The following MMP20 variants were observed in gnomAD, a reference collection of about 807,000 sequenced individuals.
The protein encoded by MMP20 is matrix metalloproteinase-20.
Under a neutral mutation model 51.8 loss-of-function variants are expected in MMP20, and 50 were observed. The observed-to-expected ratio is 0.97, with a 90% confidence interval of 0.77 to 1.22. MMP20 has a LOEUF of 1.22. Ranked by LOEUF, MMP20 falls within the 50% of genes most tolerant of loss-of-function variation. The pLI is 0.00. For synonymous variants in MMP20, 244 were observed against 216.2 expected, an observed-to-expected ratio of 1.13 and a Z score of -1.13; for missense variants, 663 against 601.4, an observed-to-expected ratio of 1.10 and a Z score of -1.07.
chr11:102,590,149 C>T (rs954867229), intron 8 of MMP20, among the ~76,000 whole-genome samples: 2 of 152,096 alleles, frequency 1.3e-5, no homozygotes, highest in African/African-American at 4.8e-5. Context: ...CTTGATGTAG[C>T]CACTGCTCTG....
At chr11:102,592,213 G>A (rs1283944944) in intron 8 of MMP20, among the ~76,000 whole-genome samples, 1 of 152,108 alleles carries the variant, frequency 6.6e-6, no homozygotes, top group Non-Finnish European at 1.5e-5. Flanking sequence ...GCAGATATTA[G>A]GGCCTTAATA....
intron 8 of MMP20, among the ~76,000 whole-genome samples, chr11:102,592,906 A>T (rs1024201399): frequency 2.0e-5 from 3 of 152,248 alleles, no homozygotes; most frequent in African/African-American, 7.2e-5. Context: ...GAAGCCCCTG[A>T]GGACAGGAAT....
chr11:102,590,865 C>A (rs1859309157), intron 8 of MMP20, among the ~76,000 whole-genome samples: 1 of 152,110 alleles, frequency 6.6e-6, no homozygotes. Context: ...CCCTGGCCAC[C>A]TCGAGTCATG....
chr11:102,620,828 C>G (rs1360563191), intron 1 of MMP20, among the ~76,000 whole-genome samples: 1 of 152,194 alleles, frequency 6.6e-6, no homozygotes, highest in Non-Finnish European at 1.5e-5. Flanking sequence ...TTCTCAGTGT[C>G]AGGTTCCAGC....
chr11:102,578,979 G>C, intron 9 of MMP20, 60 bp downstream of exon 9: 1 of 1,295,396 alleles, frequency 7.7e-7, no homozygotes, highest in Non-Finnish European at 1.1e-6. Flanking sequence ...TTGTGTTAAA[G>C]CAAAGCCAAG....
intron 9 of MMP20, 31 bp from the exon 10 acceptor site, chr11:102,577,457 T>C (rs972133928): frequency 4.2e-6 from 6 of 1,427,594 alleles, no homozygotes; most frequent in Non-Finnish European, 5.9e-6. Flanking sequence ...ATTGGGTTAC[T>C]GAAGATGTCC....
Position 102,616,826 on chromosome 11 carries a change from A to T in MMP20, c.360T>A (p.Asn120Lys), listed in dbSNP as rs769814231. The T allele has an allele frequency of 9.9e-6, 16 of 1,613,744 alleles. No individual in the cohort carries two copies. Among genetic ancestry groups the T allele is most frequent in the Middle Eastern group, 1.6e-4 (1 of 6,084 alleles). The change falls in exon 2 of 10, where the codon AAT (asparagine) becomes AAA (lysine). Residue 120 changes from asparagine (N) to lysine (K), a missense_variant. Transcript: ENST00000260228. ...GATCTCATTACCTGTATGTCAAAGT[A>T]TTTTTTTTCCATTTGGGTTCACCAG... ...LFPGEPKWKKNTLTYRISKYT... is the reference protein window; with the variant it reads ...LFPGEPKWKKKTLTYRISKYT...
chr11:102,579,136 G>A lies in MMP20; in HGVS notation c.1254C>T (p.Asp418=), dbSNP rs146377521. 3.9e-5 allele frequency: 62 copies of A among 1,605,964 alleles called. No individual in the cohort carries two copies. Among genetic ancestry groups the A allele is most frequent in the Non-Finnish European group, 5.0e-5 (59 of 1,173,250 alleles). ...FFVGDEYYSY[D]ERKRKMEKDY... is the part of the protein sequence containing the mutation. ...CTTTTTCCATTTTCCTTTTCCTTTC[G>A]TCGTAGCTAGAAAAAGTATTATTTC... Residue 418 remains aspartate (D), a synonymous_variant, in exon 9 of 10, where the codon GAC becomes GAT. Transcript: ENST00000260228.
intron 8 of MMP20, among the ~76,000 whole-genome samples, chr11:102,591,585 A>C (rs1859317890): frequency 6.6e-6 from 1 of 152,214 alleles, no homozygotes; most frequent in African/African-American, 2.4e-5. Context: ...AGAAGGTTAG[A>C]AGTGCCTACG....
chr11:102,596,910 A>G (rs1859388273), intron 6 of MMP20, among the ~76,000 whole-genome samples: 1 of 152,228 alleles, frequency 6.6e-6, no homozygotes, highest in African/African-American at 2.4e-5. Flanking sequence ...AGTTTTGGGT[A>G]TCCAGAATCC....
chr11:102,590,533 T>G (rs546306901), intron 8 of MMP20, among the ~76,000 whole-genome samples: 4 of 152,306 alleles, frequency 2.6e-5, no homozygotes, highest in African/African-American at 9.6e-5. Flanking sequence ...CTCATGGCAT[T>G]TCATTCACTA....
chr11:102,618,664 A>T (rs911881180), intron 1 of MMP20, among the ~76,000 whole-genome samples: 1 of 152,202 alleles, frequency 6.6e-6, no homozygotes, highest in Non-Finnish European at 1.5e-5. Context: ...TGAATAAATC[A>T]TACATATACA....
intron 5 of MMP20, chr11:102,606,921 G>A (rs1401582882): frequency 2.0e-6 from 1 of 504,930 alleles, no homozygotes. Context: ...GATAATAATA[G>A]TACTCACCTC....
rs745986468 is a variant in MMP20, at chr11:102,616,930, T to C, written c.256A>G (p.Lys86Glu). The change falls in exon 2 of 10, where the codon AAG becomes GAG. Residue 86 changes from lysine (K) to glutamate (E), a missense_variant. Physicochemically the swap from Lys to Glu is moderately conservative, Grantham distance 56. Coordinates refer to ENST00000260228, the MANE Select transcript of MMP20 (RefSeq NM_004771.4). Reference sequence around the variant, plus strand: ...ACGTTCATTGTGGTCTGGTCTAACTTCCCGGTGACTTGGAGGCCAAAGAAC... The same window carrying C: ...ACGTTCATTGTGGTCTGGTCTAACTCCCCGGTGACTTGGAGGCCAAAGAAC... The part of the protein sequence containing the change: ...QAFFGLQVTG[K>E]LDQTTMNVIK... 5 of 1,614,224 alleles carry C rather than the reference T, an allele frequency of 3.1e-6. No individual in the cohort carries two copies. In the Admixed American group the frequency reaches 8.3e-5, roughly 27 times the overall value.
intron 2 of MMP20, among the ~76,000 whole-genome samples, chr11:102,615,169 A>C (rs1225219081): frequency 6.8e-6 from 1 of 146,788 alleles, no homozygotes; most frequent in Non-Finnish European, 1.5e-5. Context: ...ATTTATTATT[A>C]TAAAATAATG....
At chr11:102,624,579 G>A (rs991376410) in intron 1 of MMP20, among the ~76,000 whole-genome samples, 5 of 151,962 alleles carry the variant, frequency 3.3e-5, no homozygotes, top group Non-Finnish European at 7.4e-5. Flanking sequence ...GTACATAAAC[G>A]TTGTACTTTG....
chr11:102,606,466 T>G, intron 6 of MMP20, 69 bp downstream of exon 6: 1 of 1,598,128 alleles, frequency 6.3e-7, no homozygotes, highest in South Asian at 1.1e-5. Context: ...AACAAGGACC[T>G]GTGGGACGAC....
At chr11:102,578,901 T>C (rs1175011507) in intron 9 of MMP20, 138 bp downstream of exon 9, 2 of 683,010 alleles carry the variant, frequency 2.9e-6, no homozygotes, top group Admixed American at 2.3e-5. Context: ...TCTGTTTAGA[T>C]AAACTTATGA....
chr11:102,601,950 TC>T (rs2135937793), intron 6 of MMP20, among the ~76,000 whole-genome samples: 1 of 106,258 alleles, frequency 9.4e-6, no homozygotes, highest in East Asian at 3.2e-4. Context: ...TTTCTTTCTT[TC>T]TTTTTTTTTT....
Sources: allele counts gnomAD v4.1 joint callset (sites outside exome capture counted in the v4.1 genomes callset), GRCh38; gene constraint gnomAD v4.1.1; transcripts MANE v1.5; gene names NCBI Gene and HGNC (gene_info 2026-07-23, HGNC 2026-07-21).